The following SCD5 variants were observed in gnomAD, a reference collection of about 807,000 sequenced individuals.
SCD5 encodes acyl-CoA-desaturase 4.
SCD5 carries 20 observed loss-of-function variants against 30.4 expected under a neutral mutation model. The observed-to-expected ratio is 0.66, with a 90% CI of 0.46 to 0.96. The LOEUF is 0.96. Ranked by LOEUF, SCD5 falls within the 40% of genes least tolerant of loss-of-function variation. SCD5 has a pLI of 0.00. For missense variants in SCD5, 381 were observed against 443.3 expected, an observed-to-expected ratio of 0.86 and a Z score of 1.26; for synonymous variants, 173 against 176.4, an observed-to-expected ratio of 0.98 and a Z score of 0.16.
intron 2 of SCD5, among the ~76,000 whole-genome samples, chr4:82,693,679 G>A (rs1420156686): frequency 1.3e-5 from 2 of 152,174 alleles, no homozygotes; most frequent in African/African-American, 4.8e-5. Flanking sequence ...GCCCATGTCC[G>A]AGCCTGGCTG....
intron 1 of SCD5, among the ~76,000 whole-genome samples, chr4:82,747,742 C>T (rs771819756): frequency 3.9e-5 from 6 of 152,164 alleles, no homozygotes; most frequent in Non-Finnish European, 7.3e-5. Context: ...CGCCATTGGC[C>T]AACTGTCTTT....
chr4:82,730,612 G>A, intron 1 of SCD5, among the ~76,000 whole-genome samples: 1 of 126,160 alleles, frequency 7.9e-6, no homozygotes, highest in African/African-American at 3.1e-5. Flanking sequence ...TTTAGAAGGA[G>A]TCTCACTCTG....
chr4:82,794,874 A>G (rs1416735981), intron 1 of SCD5, among the ~76,000 whole-genome samples: 2 of 151,838 alleles, frequency 1.3e-5, no homozygotes, highest in African/African-American at 4.8e-5. Context: ...GATGGTCTCG[A>G]TCTCCTGACC....
At chr4:82,674,667 G>A (rs559815936) in intron 3 of SCD5, among the ~76,000 whole-genome samples, 21 of 152,222 alleles carry the variant, frequency 1.4e-4, no homozygotes, top group African/African-American at 5.1e-4. Flanking sequence ...ACAAAAACCC[G>A]CACATGAATG....
At chr4:82,718,453 G>A (rs1399869798) in intron 1 of SCD5, among the ~76,000 whole-genome samples, 1 of 151,588 alleles carries the variant, frequency 6.6e-6, no homozygotes, top group African/African-American at 2.4e-5. Flanking sequence ...CATGGTGATC[G>A]GTGTGAACCC....
intron 3 of SCD5, among the ~76,000 whole-genome samples, chr4:82,637,574 G>A (rs541917128): frequency 1.3e-4 from 20 of 152,354 alleles, no homozygotes; most frequent in African/African-American, 4.6e-4. Flanking sequence ...TCAGCCAAGT[G>A]GAGCCACTGC....
At chr4:82,789,604 T>C (rs1232486401) in intron 1 of SCD5, among the ~76,000 whole-genome samples, 1 of 152,236 alleles carries the variant, frequency 6.6e-6, no homozygotes, top group Non-Finnish European at 1.5e-5. Flanking sequence ...ACTGTCTGCA[T>C]GTTTGTTCTA....
At chr4:82,730,390 G>T (rs899313039) in intron 1 of SCD5, among the ~76,000 whole-genome samples, 1 of 150,284 alleles carries the variant, frequency 6.7e-6, no homozygotes, top group Non-Finnish European at 1.5e-5. Flanking sequence ...TCCGCTTCCC[G>T]GGTTCAAGCA....
intron 1 of SCD5, among the ~76,000 whole-genome samples, chr4:82,768,942 CTTT>C (rs56979468): frequency 7.1e-6 from 1 of 141,200 alleles, no homozygotes; most frequent in African/African-American, 2.6e-5. Context: ...AAACCTAAGA[CTTT>C]TTTTTTTTTT....
intron 1 of SCD5, among the ~76,000 whole-genome samples, chr4:82,720,524 T>C (rs1008892344): frequency 6.6e-6 from 1 of 151,056 alleles, no homozygotes; most frequent in Non-Finnish European, 1.5e-5. Context: ...TCCTAGTTGA[T>C]GAAGGAAAGA....
chr4:82,639,509 G>A (rs1727498186), intron 3 of SCD5, among the ~76,000 whole-genome samples: 2 of 152,258 alleles, frequency 1.3e-5, no homozygotes, highest in Admixed American at 6.5e-5. Flanking sequence ...GCCTCAGGGA[G>A]CCCCTGGGAG....
chr4:82,655,836 G>A (rs1451159346), intron 3 of SCD5, among the ~76,000 whole-genome samples: 1 of 152,156 alleles, frequency 6.6e-6, no homozygotes, highest in Non-Finnish European at 1.5e-5. Flanking sequence ...GTGAAGGCCA[G>A]GAGTTTATAA....
chr4:82,680,622 C>T, intron 3 of SCD5, 85 bp downstream of exon 3: 2 of 1,229,028 alleles, frequency 1.6e-6, no homozygotes, highest in Non-Finnish European at 2.4e-6. Flanking sequence ...GAGAAGAACG[C>T]TATGGGGTTA....
intron 1 of SCD5, among the ~76,000 whole-genome samples, chr4:82,786,651 G>A (rs939054195): frequency 6.6e-6 from 1 of 151,950 alleles, no homozygotes; most frequent in African/African-American, 2.4e-5. Flanking sequence ...AATTAGCTCG[G>A]CATGGTGGTG....
chr4:82,787,882 A>G (rs1722019292), intron 1 of SCD5, among the ~76,000 whole-genome samples: 1 of 152,122 alleles, frequency 6.6e-6, no homozygotes, highest in African/African-American at 2.4e-5. Flanking sequence ...ATAATAACGT[A>G]AAAAATTAAC....
intron 3 of SCD5, among the ~76,000 whole-genome samples, chr4:82,667,013 T>C (rs1370971714): frequency 6.6e-6 from 1 of 152,232 alleles, no homozygotes. Context: ...TATTATTGGC[T>C]ACTGAAGTGA....
chr4:82,634,825 T>G (rs1201367758), intron 4 of SCD5, among the ~76,000 whole-genome samples: 3 of 152,204 alleles, frequency 2.0e-5, no homozygotes, highest in Admixed American at 6.5e-5. Context: ...CTCATTACAG[T>G]CCTTTCAGAA....
intron 2 of SCD5, among the ~76,000 whole-genome samples, chr4:82,685,768 GTAAAAT>G (rs1313811742): frequency 5.9e-5 from 9 of 151,324 alleles, no homozygotes; most frequent in Non-Finnish European, 1.0e-4. Context: ...AAAGAAACAA[GTAAAAT>G]TAATTTTAAT....
At chr4:82,764,308 G>A (rs1399397489) in intron 1 of SCD5, among the ~76,000 whole-genome samples, 1 of 152,200 alleles carries the variant, frequency 6.6e-6, no homozygotes, top group South Asian at 2.1e-4. Context: ...GGACAGCCCT[G>A]ATTTAGATCA....
Sources: gnomAD v4.1 joint callset for allele counts (sites outside exome capture counted in the v4.1 genomes callset) on GRCh38, gnomAD v4.1.1 for gene constraint, MANE v1.5 for transcripts, NCBI Gene and HGNC (gene_info 2026-07-23, HGNC 2026-07-21) for gene names.